FKBP1A: variants seen among roughly 807,000 people sequenced by gnomAD.
The protein encoded by FKBP1A is peptidyl-prolyl cis-trans isomerase FKBP1A.
A neutral mutation model predicts 14.2 loss-of-function variants in FKBP1A; 5 were observed. That is an observed-to-expected ratio of 0.35 (90% confidence interval 0.18 to 0.74). The LOEUF is 0.74. Among genes scored for constraint, FKBP1A ranks in the 30% least tolerant of loss-of-function variants. The pLI, the probability that FKBP1A is intolerant of heterozygous loss-of-function variation, is 0.56. For synonymous variants in FKBP1A, 42 were observed against 49.1 expected (o/e 0.86, Z 0.60); for missense variants, 53 against 138.8 (o/e 0.38, Z 3.10).
intron 3 of FKBP1A, chr20:1,373,045 A>G (rs889313585): frequency 5.6e-4 from 85 of 152,178 alleles, no homozygotes; most frequent in African/African-American, 1.9e-3. Context: ...TTTGGTCTCC[A>G]TGTGTATGTT....
At chr20:1,385,092 G>A (rs575127744) in intron 2 of FKBP1A, among the ~76,000 whole-genome samples, 4 of 152,246 alleles carry the variant, frequency 2.6e-5, no homozygotes, top group African/African-American at 7.2e-5. Flanking sequence ...GGGAGGGGGA[G>A]AAAGAAATAC....
At chr20:1,390,331 CAG>C (rs1339228149) in intron 2 of FKBP1A, among the ~76,000 whole-genome samples, 2 of 118,852 alleles carry the variant, frequency 1.7e-5, no homozygotes, top group African/African-American at 6.8e-5. Context: ...CAAAAGAAGA[CAG>C]AGAAGCTGGC....
At chr20:1,389,238 C>T (rs1263205457) in intron 2 of FKBP1A, among the ~76,000 whole-genome samples, 1 of 152,198 alleles carries the variant, frequency 6.6e-6, no homozygotes, top group Non-Finnish European at 1.5e-5. Context: ...AGCCATGTCC[C>T]TAGAGCCTGG....
In FKBP1A at chr20:1,393,045, G is replaced by A; in HGVS notation, c.-47C>T. The stretch of plus-strand genomic sequence containing the variant: ...GGCGGGCGGCGCGACGGGCGGCGTG[G>A]ACCAACAGCGACCTGGCGGCGGTTC... On this transcript the variant is annotated 5_prime_UTR_variant, in exon 1 of 5. Transcript: ENST00000400137. 1 of 1,227,754 alleles carries A rather than the reference G, an allele frequency of 8.1e-7. No homozygotes were observed. Among genetic ancestry groups the A allele is most frequent in the Non-Finnish European group, 1.1e-6 (1 of 912,508 alleles). The allele number at this position is 1,227,754 out of a possible 1,614,324, so 76.1% of individuals were successfully genotyped here. A position where few individuals can be genotyped will look rare whatever the true frequency, so the allele number is the denominator to read the frequency against.
chr20:1,377,208 G>C (rs1323135), intron 2 of FKBP1A: 4 of 152,192 alleles, frequency 2.6e-5, no homozygotes, highest in South Asian at 2.1e-4. Context: ...GTCAACATTT[G>C]TAAGTAGGAT....
intron 2 of FKBP1A, among the ~76,000 whole-genome samples, chr20:1,382,877 G>C (rs948433790): frequency 2.0e-5 from 3 of 152,116 alleles, no homozygotes; most frequent in African/African-American, 7.2e-5. Context: ...GGAGCAAAAG[G>C]GTTTACAAAA....
chr20:1,383,684 T>TAAAAAAAA (rs34991787), intron 2 of FKBP1A, among the ~76,000 whole-genome samples: 2,003 of 125,086 alleles, frequency 0.016, 53 homozygotes, highest in African/African-American at 0.057. Context: ...TGCAAAAAAT[T>TAAAAAAAA]AAAAAAAAAA....
chr20:1,388,501 A>G (rs527568172), intron 2 of FKBP1A, among the ~76,000 whole-genome samples: 1 of 152,180 alleles, frequency 6.6e-6, no homozygotes, highest in Non-Finnish European at 1.5e-5. Context: ...CATTTTATAG[A>G]CAGCATGTGG....
rs1380626695 is a variant in FKBP1A, at chr20:1,379,969, GC to G, written c.86-4367del. Among the ~76,000 whole-genome samples the G allele has an allele frequency of 6.6e-6, 1 of 152,082 alleles. No individual in the cohort carries two copies. Among genetic ancestry groups the G allele is most frequent in the Non-Finnish European group, 1.5e-5 (1 of 68,026 alleles). Reference sequence around the variant, plus strand: ...ATGAGTGTGCATGTGTAGGAATTATGCTGTTCAGTCTGTAATGTCAAAACAG... The same window carrying G: ...ATGAGTGTGCATGTGTAGGAATTATGTGTTCAGTCTGTAATGTCAAAACAG... On this transcript the variant is annotated intron_variant, in intron 2 of 4. Coordinates refer to ENST00000400137, the MANE Select transcript of FKBP1A (RefSeq NM_000801.5). This position sits in a 1 kb window ranked among gnomAD's most constrained non-coding sequence, Gnocchi z 4.3.
At chr20:1,375,395 AC>A in intron 3 of FKBP1A, 95 bp downstream of exon 3, 2 of 855,192 alleles carry the variant, frequency 2.3e-6, no homozygotes. Context: ...GAGACTTTTC[AC>A]TTTTTTTATT....
chr20:1,378,806 G>A lies in FKBP1A; in HGVS notation c.86-3203C>T, dbSNP rs1002540009. The A allele has an allele frequency of 7.2e-5, 11 of 152,188 alleles. No homozygotes were observed. The East Asian group carries it at 7.7e-4, about 11-fold the overall frequency. The allele number at this position is 152,188 out of a possible 1,614,324, so 9.4% of individuals were successfully genotyped here. On this transcript the variant is annotated intron_variant, in intron 2 of 4. Transcript: ENST00000400137. ...GAGGTAAACCTCTGACACTTAGTGA[G>A]CACGCTACAATGTAGTGCTGCCACG... is the stretch of plus-strand genomic sequence containing the variant.
At chr20:1,375,446 A>C (rs1353548926) in intron 3 of FKBP1A, 45 bp downstream of exon 3, 3 of 1,383,394 alleles carry the variant, frequency 2.2e-6, no homozygotes, top group Non-Finnish European at 3.1e-6. Flanking sequence ...AAAAATATAA[A>C]AGGTAAATAC....
chr20:1,371,601 G>T, intron 4 of FKBP1A: 1 of 552,762 alleles, frequency 1.8e-6, no homozygotes, highest in Non-Finnish European at 2.3e-6. Context: ...CATCTAATAG[G>T]CAGTAACCAC....
chr20:1,385,632 ATAAAACTCT>A (rs2089662323), intron 2 of FKBP1A, among the ~76,000 whole-genome samples: 1 of 152,044 alleles, frequency 6.6e-6, no homozygotes, highest in Non-Finnish European at 1.5e-5. Context: ...ATCTCAGGAG[ATAAAACTCT>A]TAAAATGGCC....
intron 2 of FKBP1A, chr20:1,376,736 A>G (rs912800252): frequency 6.6e-6 from 1 of 150,894 alleles, no homozygotes; most frequent in Non-Finnish European, 1.5e-5. Flanking sequence ...ATAATTTAGT[A>G]AAATAGTAAA....
At position 1,373,357 on chromosome 20, in the gene FKBP1A, T is replaced by C. The variant is rs188848235; in HGVS notation, c.199-1117A>G. Among the ~76,000 whole-genome samples, 8 of 152,244 alleles carry C rather than the reference T, an allele frequency of 5.3e-5. No homozygotes were observed. The East Asian group carries it at 7.7e-4, about 15-fold the overall frequency. ...AGTGGTGGCTTTAAATGTATTAACA[T>C]GAAAAGATGTCCAAGATGGATGAAA... On this transcript the variant is annotated intron_variant, in intron 3 of 4. Transcript: ENST00000400137.
In FKBP1A at chr20:1,392,978, G is replaced by T; in HGVS notation, c.21C>A (p.Thr7=). The T allele has an allele frequency of 6.7e-7, 1 of 1,490,516 alleles. No homozygotes were observed. The highest frequency in any genetic ancestry group is 1.3e-5 in the South Asian group (1 of 76,634). 92.3% of individuals were successfully genotyped at this position (1,490,516 alleles called of 1,614,324 possible). A position where few individuals can be genotyped will look rare whatever the true frequency, so the allele number is the denominator to read the frequency against. The change falls in exon 1 of 5, where the codon ACC becomes ACA. Residue 7 remains threonine, a synonymous_variant. Coordinates refer to ENST00000400137, the MANE Select transcript of FKBP1A (RefSeq NM_000801.5). ...ACTACTCACCGTCTCCTGGGGAGAT[G>T]GTTTCCACCTGCACTCCCATGGCGG... is the stretch of plus-strand genomic sequence containing the variant. MGVQVE[T]ISPGDGRTFP...
chr20:1,370,288 G>A, intron 4 of FKBP1A: 1 of 985,438 alleles, frequency 1.0e-6, no homozygotes, highest in Non-Finnish European at 1.2e-6. Flanking sequence ...TGTGTGTTTT[G>A]TTTAATCTAA....
Position 1,379,053 on chromosome 20 carries a change from G to A in FKBP1A, c.86-3450C>T, listed in dbSNP as rs1162567627. Among the ~76,000 whole-genome samples, 1 of 152,064 alleles carries A rather than the reference G, an allele frequency of 6.6e-6. No individual in the cohort carries two copies. Among genetic ancestry groups the A allele is most frequent in the Non-Finnish European group, 1.5e-5 (1 of 68,010 alleles). On this transcript the variant is annotated intron_variant, in intron 2 of 4. Transcript: ENST00000400137. This position sits in a 1 kb window ranked among gnomAD's most constrained non-coding sequence, Gnocchi z 4.3. Reference sequence around the variant, plus strand: ...TACATTTATTTCATGATGCATTAATGGTTCATAACCCACAATTTGGAAAGT... The same window carrying A: ...TACATTTATTTCATGATGCATTAATAGTTCATAACCCACAATTTGGAAAGT...
Sources: gnomAD v4.1 joint callset for allele counts (sites outside exome capture counted in the v4.1 genomes callset) on GRCh38, gnomAD v4.1.1 for gene constraint, Gnocchi (gnomAD v3.1) non-coding constraint, MANE v1.5 for transcripts, NCBI Gene and HGNC (gene_info 2026-07-23, HGNC 2026-07-21) for gene names.